CYFIP1: variants seen among roughly 807,000 people sequenced by gnomAD.
CYFIP1 encodes cytoplasmic FMR1-interacting protein 1.
In CYFIP1, 58 loss-of-function variants were observed where a neutral mutation model predicts 163.5. The observed-to-expected ratio is 0.35, with a 90% CI of 0.29 to 0.44. CYFIP1 has a LOEUF of 0.44. CYFIP1 is among the 20% of genes least tolerant of loss of function. The pLI is 1.00. For synonymous variants in CYFIP1, 663 were observed against 660.7 expected (o/e 1.00, Z -0.05); for missense variants, 1,338 against 1,653.8 (o/e 0.81, Z 3.31).
At chr15:22,878,325 T>C (rs893088062) in intron 26 of CYFIP1, among the ~76,000 whole-genome samples, 10 of 152,014 alleles carry the variant, frequency 6.6e-5, no homozygotes, top group African/African-American at 2.4e-4. Flanking sequence ...CAATGTGCTA[T>C]GATGTCAGAG....
At chr15:22,916,836 T>C (rs2061003532) in intron 15 of CYFIP1, 1 of 1,554,478 alleles carries the variant, frequency 6.4e-7, no homozygotes, top group Admixed American at 2.0e-5. Context: ...AGCGGAGCAG[T>C]TCGCCTCCGT....
Position 22,925,335 on chromosome 15 carries a change from G to A in CYFIP1, c.1359+647C>T, listed in dbSNP as rs60516237. Reference sequence around the variant, plus strand: ...GACTACAAAGCTACAGAGTGGTGCTGGGATACCGACAGCAACTGACACTGG... The same window carrying A: ...GACTACAAAGCTACAGAGTGGTGCTAGGATACCGACAGCAACTGACACTGG... On this transcript the variant is annotated intron_variant, in intron 13 of 30. Coordinates refer to ENST00000617928, the MANE Select transcript of CYFIP1 (RefSeq NM_014608.6). 3.6e-3 allele frequency among the ~76,000 whole-genome samples: 548 copies of A among 152,250 alleles called. 8 individuals are homozygous for A. In the South Asian group the frequency reaches 0.045, roughly 12 times the overall value.
At chr15:22,964,154 ATACT>A (rs1363334450) in intron 1 of CYFIP1, among the ~76,000 whole-genome samples, 67 of 130,406 alleles carry the variant, frequency 5.1e-4, no homozygotes, top group African/African-American at 2.0e-3. Context: ...ATCACTTCAC[ATACT>A]TTTTTTTTTT....
At chr15:22,967,418 T>C (rs754329535) in intron 1 of CYFIP1, among the ~76,000 whole-genome samples, 3 of 152,286 alleles carry the variant, frequency 2.0e-5, no homozygotes, top group Admixed American at 6.5e-5. Flanking sequence ...CTTTCCACCA[T>C]GTAGTCTTGG....
intron 1 of CYFIP1, among the ~76,000 whole-genome samples, chr15:22,976,721 A>T (rs971504176): frequency 2.6e-5 from 4 of 152,192 alleles, no homozygotes; most frequent in Non-Finnish European, 5.9e-5. Flanking sequence ...TATCATAGGC[A>T]TAGATGTATA....
intron 1 of CYFIP1, among the ~76,000 whole-genome samples, chr15:22,968,543 C>A (rs1202666049): frequency 3.9e-5 from 6 of 152,182 alleles, no homozygotes; most frequent in African/African-American, 1.4e-4. Context: ...TAAAATAAAT[C>A]TCTCTAGACG....
At chr15:22,928,307 C>T (rs1249362464) in intron 11 of CYFIP1, among the ~76,000 whole-genome samples, 1 of 152,114 alleles carries the variant, frequency 6.6e-6, no homozygotes, top group African/African-American at 2.4e-5. Flanking sequence ...GGCGTGAGCC[C>T]GGGAGGCGGA....
intron 1 of CYFIP1, among the ~76,000 whole-genome samples, chr15:22,970,512 G>A (rs2063056341): frequency 6.6e-6 from 1 of 152,152 alleles, no homozygotes; most frequent in Non-Finnish European, 1.5e-5. Context: ...GAACAAAGTT[G>A]GAGACTTCAC....
chr15:22,889,219 T>G (rs987700589), intron 23 of CYFIP1, among the ~76,000 whole-genome samples: 1 of 151,952 alleles, frequency 6.6e-6, no homozygotes, highest in African/African-American at 2.4e-5. Context: ...TCATCAAATC[T>G]TTCTTTCTCT....
intron 9 of CYFIP1, among the ~76,000 whole-genome samples, chr15:22,936,674 G>C (rs920841142): frequency 6.6e-6 from 1 of 152,212 alleles, no homozygotes; most frequent in Non-Finnish European, 1.5e-5. Context: ...GAGGACAGTC[G>C]ACCAGAGCTG....
chr15:22,875,173 TC>T, intron 27 of CYFIP1, 25 bp downstream of exon 27: 1 of 1,610,862 alleles, frequency 6.2e-7, no homozygotes, highest in East Asian at 2.2e-5. Context: ...CAGTCTGGAC[TC>T]CCTGGTGGGG....
chr15:22,928,207 C>A (rs8028670), intron 11 of CYFIP1, among the ~76,000 whole-genome samples, 179 bp from the exon 12 acceptor site: 24,854 of 151,990 alleles, frequency 0.16, 2,263 homozygotes, highest in Middle Eastern at 0.2. Context: ...CGGTGAAACC[C>A]CGTCTCTACT....
In CYFIP1 at chr15:22,868,384, A is replaced by G. The variant is rs1018648842; in HGVS notation, c.*1644T>C. The G allele has an allele frequency of 1.4e-4, 22 of 152,200 alleles. No individual in the cohort carries two copies. The highest frequency in any genetic ancestry group is 4.8e-4 in the African/African-American group (20 of 41,440). 9.4% of individuals were successfully genotyped at this position (152,200 alleles called of 1,614,324 possible). A position where few individuals can be genotyped will look rare whatever the true frequency, so the allele number is the denominator to read the frequency against. On this transcript the variant is annotated 3_prime_UTR_variant, in exon 31 of 31. Coordinates refer to ENST00000617928, the MANE Select transcript of CYFIP1 (RefSeq NM_014608.6). ...AATAAATAATAAATTCTTATTTAAC[A>G]TTTTGTAGCACTTGAGATTGTCTTA...
chr15:22,928,991 G>A (rs2061446837), intron 11 of CYFIP1, among the ~76,000 whole-genome samples: 1 of 151,974 alleles, frequency 6.6e-6, no homozygotes, highest in South Asian at 2.1e-4. Flanking sequence ...GGCCGGGGCA[G>A]GTGGATTGCC....
rs192665084 is a variant in CYFIP1 at position 22,913,353 on chromosome 15, A to G, written c.1986-1078T>C. 2.5e-3 allele frequency among the ~76,000 whole-genome samples: 362 copies of G among 147,572 alleles called. 1 individual carries two copies. The highest frequency in any genetic ancestry group is 2.8e-3 in the Non-Finnish European group (189 of 66,844). On this transcript the variant is annotated intron_variant, in intron 17 of 30. Coordinates refer to ENST00000617928, the MANE Select transcript of CYFIP1 (RefSeq NM_014608.6). The stretch of plus-strand genomic sequence containing the variant: ...AGACCAGCCTGGCTAACATGATGAA[A>G]CTCATCTCTACTAAAAATACAAAAA...
Position 22,892,948 on chromosome 15 carries a change from T to G in CYFIP1, c.2618A>C (p.Gln873Pro). ...RFVRTVLPFS[Q>P]EFQRDKQPNA... ...AGGCTGCTTATCTCTTTGAAATTCC[T>G]GAGAAAATGGTAACACTGTCCGAAC... Residue 873 changes from glutamine (Q) to proline (P), a missense_variant, in exon 23 of 31, where the codon CAG (glutamine) becomes CCG (proline). Physicochemically the swap from Gln to Pro is moderately conservative, Grantham distance 76. Coordinates refer to ENST00000617928, the MANE Select transcript of CYFIP1 (RefSeq NM_014608.6). The G allele has an allele frequency of 1.2e-6, 2 of 1,613,622 alleles. No individual in the cohort carries two copies. The highest frequency in any genetic ancestry group is 1.7e-6 in the Non-Finnish European group (2 of 1,179,642).
intron 18 of CYFIP1, 107 bp from the exon 19 acceptor site, chr15:22,910,920 A>AT (rs1566959599): frequency 2.0e-6 from 2 of 982,450 alleles, no homozygotes; most frequent in Non-Finnish European, 3.2e-6. Flanking sequence ...AGGCTCTTTT[A>AT]TTTTTTTGAG....
At chr15:22,908,631 C>T (rs776159253) in intron 21 of CYFIP1, among the ~76,000 whole-genome samples, 6 of 142,490 alleles carry the variant, frequency 4.2e-5, no homozygotes, top group East Asian at 4.2e-4. Context: ...TGGATTCAAG[C>T]GATTCTCCTG....
intron 10 of CYFIP1, among the ~76,000 whole-genome samples, chr15:22,932,654 A>G (rs2061575455): frequency 6.6e-6 from 1 of 152,142 alleles, no homozygotes. Context: ...GGCAAAAGTC[A>G]ATGAAAGCCT....
Sources: allele counts gnomAD v4.1 joint callset (sites outside exome capture counted in the v4.1 genomes callset), GRCh38; gene constraint gnomAD v4.1.1; transcripts MANE v1.5; gene names NCBI Gene and HGNC (gene_info 2026-07-23, HGNC 2026-07-21).